NFIA: variants seen among roughly 807,000 people sequenced by gnomAD.
The protein encoded by NFIA is nuclear factor I A.
NFIA carries 8 observed loss-of-function variants against 62.8 expected under a neutral mutation model. That is an observed-to-expected ratio of 0.13 (90% CI 0.07 to 0.23). NFIA has a LOEUF of 0.23. NFIA is among the 10% of genes least tolerant of loss of function. NFIA has a pLI of 1.00. For synonymous variants in NFIA, 235 were observed against 238.1 expected, an observed-to-expected ratio of 0.99 and a Z score of 0.12; for missense variants, 410 against 642.1, an observed-to-expected ratio of 0.64 and a Z score of 3.91.
chr1:61,101,602 G>A (rs1304004964), intron 2 of NFIA, among the ~76,000 whole-genome samples: 2 of 152,086 alleles, frequency 1.3e-5, no homozygotes, highest in African/African-American at 2.4e-5. Context: ...GAGAGCAGGC[G>A]GTAGTGAATT....
At position 61,459,735 on chromosome 1, in the gene NFIA, C is replaced by T. The variant is rs1294033499; in HGVS notation, c.*4415C>T. 6.6e-6 allele frequency: 1 copy of T among 152,166 alleles called. No individual in the cohort carries two copies. Among genetic ancestry groups the T allele is most frequent in the East Asian group, 1.9e-4 (1 of 5,202 alleles). The allele number at this position is 152,166 out of a possible 1,614,324, so 9.4% of individuals were successfully genotyped here. A position where few individuals can be genotyped will look rare whatever the true frequency, so the allele number is the denominator to read the frequency against. On this transcript the variant is annotated 3_prime_UTR_variant, in exon 11 of 11. Transcript: ENST00000403491. Reference sequence around the variant, plus strand: ...TTGATTTTTTCCAAGCCCTTAGCCCCATAAGCTTTGAATCCTGTAGTTACA... The same window carrying T: ...TTGATTTTTTCCAAGCCCTTAGCCCTATAAGCTTTGAATCCTGTAGTTACA...
chr1:61,114,957 T>G (rs1037058139), intron 2 of NFIA, among the ~76,000 whole-genome samples: 2 of 152,144 alleles, frequency 1.3e-5, no homozygotes, highest in Non-Finnish European at 2.9e-5. Context: ...TGAATATATA[T>G]ATATTTGTTG....
intron 2 of NFIA, among the ~76,000 whole-genome samples, chr1:61,272,569 A>G (rs1657577544): frequency 1.3e-5 from 2 of 152,204 alleles, no homozygotes; most frequent in Non-Finnish European, 2.9e-5. Flanking sequence ...ATGTAGAAAA[A>G]TGAATTCCTT....
At chr1:61,347,345 C>G (rs746639257) in intron 4 of NFIA, among the ~76,000 whole-genome samples, 1 of 151,312 alleles carries the variant, frequency 6.6e-6, no homozygotes, top group African/African-American at 2.4e-5. Flanking sequence ...GGCTAATTTT[C>G]TGTATTTTTA....
At chr1:61,203,816 A>G (rs1489301075) in intron 2 of NFIA, among the ~76,000 whole-genome samples, 1 of 152,160 alleles carries the variant, frequency 6.6e-6, no homozygotes, top group Non-Finnish European at 1.5e-5. Flanking sequence ...TAAAGAAAAA[A>G]AAGAAATCGA....
At chr1:61,154,697 C>T (rs1648668756) in intron 2 of NFIA, among the ~76,000 whole-genome samples, 1 of 152,208 alleles carries the variant, frequency 6.6e-6, no homozygotes, top group Non-Finnish European at 1.5e-5. Context: ...AGCCATCCAC[C>T]TGCCTCACCC....
rs568884110 is a variant in NFIA at position 61,180,567 on chromosome 1, G to A, written c.559+91887G>A. On this transcript the variant is annotated intron_variant, in intron 2 of 10. Coordinates refer to ENST00000403491, the MANE Select transcript of NFIA (RefSeq NM_001134673.4). ...GTAGCTTTTAGTTGTGGCTTAGCTGGAATATATTGATGATAAGAATGGCTC... is the reference window on the plus strand; with the variant it reads ...GTAGCTTTTAGTTGTGGCTTAGCTGAAATATATTGATGATAAGAATGGCTC... 1.5e-4 allele frequency among the ~76,000 whole-genome samples: 23 copies of A among 152,294 alleles called. No homozygotes were observed. In the East Asian group the frequency reaches 3.7e-3, roughly 24 times the overall value.
intron 2 of NFIA, among the ~76,000 whole-genome samples, chr1:61,153,525 G>A (rs560360037): frequency 1.8e-4 from 27 of 152,228 alleles, no homozygotes; most frequent in Admixed American, 9.8e-4. Context: ...TAATTTTCCC[G>A]TTGTAAAAAC....
At chr1:61,130,066 C>G (rs1647047954) in intron 2 of NFIA, among the ~76,000 whole-genome samples, 1 of 151,920 alleles carries the variant, frequency 6.6e-6, no homozygotes, top group Non-Finnish European at 1.5e-5. Flanking sequence ...TAGCTAAAGT[C>G]AATGTCAGTG....
rs1665713550 is a variant in NFIA, at chr1:61,404,287, G to A, written c.1254+5G>A. On this transcript the variant is annotated splice_donor_5th_base_variant and intron_variant, in intron 8 of 10. Coordinates refer to ENST00000403491, the MANE Select transcript of NFIA (RefSeq NM_001134673.4). ...GGACAGGTGGGGTTCCTCAATGTAA[G>A]GAAACCTCTTTTTTTCCATTTCTTT... The A allele has an allele frequency of 1.3e-6, 2 of 1,593,076 alleles. No individual in the cohort carries two copies. Among genetic ancestry groups the A allele is most frequent in the African/African-American group, 1.4e-5 (1 of 73,556 alleles).
intron 2 of NFIA, among the ~76,000 whole-genome samples, chr1:61,159,502 C>T (rs1329626762): frequency 2.0e-5 from 3 of 152,206 alleles, no homozygotes; most frequent in African/African-American, 4.8e-5. Context: ...GCTGTAGAAC[C>T]TCTGACCACA....
chr1:61,173,915 T>G (rs895632521), intron 2 of NFIA, among the ~76,000 whole-genome samples: 3 of 152,100 alleles, frequency 2.0e-5, no homozygotes, highest in Non-Finnish European at 4.4e-5. Flanking sequence ...AGGTAATGGA[T>G]GTAGGGTCCT....
At chr1:61,243,927 A>T (rs1256367336) in intron 2 of NFIA, among the ~76,000 whole-genome samples, 2 of 152,030 alleles carry the variant, frequency 1.3e-5, no homozygotes, top group Non-Finnish European at 2.9e-5. Flanking sequence ...TCTTTAGGAA[A>T]TTTTTTCTAT....
At chr1:61,112,797 C>G (rs1377341101) in intron 2 of NFIA, among the ~76,000 whole-genome samples, 1 of 152,106 alleles carries the variant, frequency 6.6e-6, no homozygotes, top group Non-Finnish European at 1.5e-5. Flanking sequence ...GCTGCACTTT[C>G]TTTTGTAGGC....
In NFIA at chr1:61,088,499, C is replaced by G; in HGVS notation, c.378C>G (p.Val126=). The G allele has an allele frequency of 2.5e-6, 4 of 1,614,094 alleles. No homozygotes were observed. The highest frequency in any genetic ancestry group is 3.4e-6 in the Non-Finnish European group (4 of 1,180,016). The change falls in exon 2 of 11, where the codon GTC becomes GTG. Residue 126 remains valine (V), a synonymous_variant. Coordinates refer to ENST00000403491, the MANE Select transcript of NFIA (RefSeq NM_001134673.4). This position sits in a 1 kb window ranked among gnomAD's most constrained non-coding sequence, Gnocchi z 4.5. The part of the protein sequence containing the change: ...RIDCLRQADK[V]WRLDLVMVIL... ...ACTGCCTCCGCCAGGCAGATAAAGTCTGGAGGTTGGACCTTGTTATGGTGA... is the reference window on the plus strand; with the variant it reads ...ACTGCCTCCGCCAGGCAGATAAAGTGTGGAGGTTGGACCTTGTTATGGTGA...
At chr1:61,320,387 T>C (rs995602885) in intron 3 of NFIA, among the ~76,000 whole-genome samples, 6 of 152,182 alleles carry the variant, frequency 3.9e-5, no homozygotes, top group Admixed American at 3.9e-4. Flanking sequence ...AATTTTGGCA[T>C]CGATAACTAA....
intron 3 of NFIA, among the ~76,000 whole-genome samples, chr1:61,288,559 A>G (rs1658657372): frequency 6.6e-6 from 1 of 152,234 alleles, no homozygotes; most frequent in Non-Finnish European, 1.5e-5. Flanking sequence ...GGTGATAATA[A>G]TCATAATAGT....
chr1:61,187,301 T>G (rs1244356863), intron 2 of NFIA, among the ~76,000 whole-genome samples: 1 of 152,200 alleles, frequency 6.6e-6, no homozygotes, highest in Non-Finnish European at 1.5e-5. Flanking sequence ...GCATCCATGC[T>G]GGTATATCCA....
chr1:61,082,032 C>A, upstream of NFIA: 2 of 1,548,538 alleles, frequency 1.3e-6, no homozygotes, highest in South Asian at 1.2e-5. Flanking sequence ...CAAAGTTGCC[C>A]AAGTCCTCCA....
Sources: allele counts gnomAD v4.1 joint callset (sites outside exome capture counted in the v4.1 genomes callset), GRCh38; gene constraint gnomAD v4.1.1; non-coding constraint Gnocchi (gnomAD v3.1); transcripts MANE v1.5; gene names NCBI Gene and HGNC (gene_info 2026-07-23, HGNC 2026-07-21).